The following GTF2A1L variants were observed in gnomAD, a reference collection of about 807,000 sequenced individuals.
GTF2A1L encodes TFIIA-alpha and beta-like factor.
Under a neutral mutation model 49.7 loss-of-function variants are expected in GTF2A1L, and 48 were observed. That is an observed-to-expected ratio of 0.97 (90% confidence interval 0.77 to 1.23). The LOEUF (loss-of-function observed/expected upper bound fraction) is 1.23, where lower values mean the gene tolerates loss of function less well. Ranked by LOEUF, GTF2A1L falls within the 50% of genes most tolerant of loss-of-function variation. GTF2A1L has a pLI of 0.00. For missense variants in GTF2A1L, 736 were observed against 564.8 expected, an observed-to-expected ratio of 1.30 and a Z score of -3.07; for synonymous variants, 246 against 193.5, an observed-to-expected ratio of 1.27 and a Z score of -2.25.
intron 6 of GTF2A1L, among the ~76,000 whole-genome samples, chr2:48,655,193 T>C (rs990406414): frequency 1.3e-5 from 2 of 151,944 alleles, no homozygotes; most frequent in African/African-American, 4.8e-5. Flanking sequence ...TTTTAGCATA[T>C]ACATATTATA....
rs775244199 is a variant in GTF2A1L, at chr2:48,669,850, G to T, written c.1107G>T (p.Glu369Asp). The change falls in exon 7 of 9, where the codon GAG becomes GAT. Residue 369 changes from glutamate (E) to aspartate (D), a missense_variant. Physicochemically the swap from Glu to Asp is conservative, Grantham distance 45. Coordinates refer to ENST00000403751, the MANE Select transcript of GTF2A1L (RefSeq NM_006872.5). ...TAGGAAGTACAAGAGATGCAGATGA[G>T]AATGAATTTCTAGGGAATATTGACG... ...EEIGSTRDAD[E>D]NEFLGNIDGG... 1.5e-4 allele frequency: 246 copies of T among 1,613,910 alleles called. No homozygotes were observed. Among genetic ancestry groups the T allele is most frequent in the Non-Finnish European group, 2.0e-4 (236 of 1,180,004 alleles).
At chr2:48,652,888 G>A (rs1677938026) in intron 6 of GTF2A1L, among the ~76,000 whole-genome samples, 2 of 150,936 alleles carry the variant, frequency 1.3e-5, no homozygotes, top group African/African-American at 4.9e-5. Flanking sequence ...AGACACGGGG[G>A]TTTCACCGTG....
chr2:48,661,258 T>G (rs1330367798), intron 6 of GTF2A1L, among the ~76,000 whole-genome samples: 4 of 112,978 alleles, frequency 3.5e-5, no homozygotes, highest in Non-Finnish European at 8.1e-5. Context: ...TTTTTTTTTT[T>G]TTTTTTTTTT....
At chr2:48,637,031 T>G (rs1676932819) in intron 3 of GTF2A1L, among the ~76,000 whole-genome samples, 1 of 152,180 alleles carries the variant, frequency 6.6e-6, no homozygotes, top group South Asian at 2.1e-4. Flanking sequence ...AGGTGTAAAC[T>G]GTATGTCCGA....
intron 6 of GTF2A1L, 157 bp downstream of exon 6, chr2:48,647,199 T>A (rs1375992405): frequency 1.5e-5 from 10 of 676,154 alleles, no homozygotes; most frequent in Admixed American, 7.4e-5. Context: ...TTTAAAAAAA[T>A]TTTTAATTGT....
chr2:48,632,119 GT>G (rs1230777054), intron 3 of GTF2A1L, among the ~76,000 whole-genome samples: 2 of 152,148 alleles, frequency 1.3e-5, no homozygotes, highest in African/African-American at 4.8e-5. Context: ...TACTTCAGAT[GT>G]TGGTACTGCT....
At position 48,625,200 on chromosome 2, in the gene GTF2A1L, C is replaced by G. The variant is rs751917894; in HGVS notation, c.247+3910C>G. On this transcript the variant is annotated intron_variant, in intron 3 of 8. Transcript: ENST00000403751. ...CAACAGAGTACAGGGGTTTCCTTTC[C>G]TCTGTACTCTCACCAACACTTGTCG... Among the ~76,000 whole-genome samples the G allele has an allele frequency of 2.3e-4, 33 of 143,732 alleles. 7 individuals are homozygous for G. Among genetic ancestry groups the G allele is most frequent in the African/African-American group, 7.4e-5 (3 of 40,454 alleles). 94.3% of individuals were successfully genotyped at this position (143,732 alleles called of 152,430 possible). A position where few individuals can be genotyped will look rare whatever the true frequency, so the allele number is the denominator to read the frequency against.
chr2:48,661,186 C>T (rs975956630), intron 6 of GTF2A1L, among the ~76,000 whole-genome samples: 1 of 145,294 alleles, frequency 6.9e-6, no homozygotes, highest in African/African-American at 2.6e-5. Context: ...TTTGAGATTG[C>T]TCTTTTAAAA....
chr2:48,646,518 C>T lies in GTF2A1L; in HGVS notation c.454C>T (p.Gln152Ter). The change falls in exon 6 of 9, where the codon CAG (glutamine) becomes TAG (stop). Residue 152 changes from glutamine (Q) to a stop codon, truncating the protein, a stop_gained. Transcript: ENST00000403751. LOFTEE classifies it high-confidence loss of function. Reference protein sequence around the residue: ...TETSGRAGILQHPIQQVFQQL... With the variant: ...TETSGRAGIL The stretch of plus-strand genomic sequence containing the variant: ...GACTTCTGGAAGAGCAGGTATTCTT[C>T]AGCATCCAATTCAGCAAGTATTTCA... 6.2e-7 allele frequency: 1 copy of T among 1,613,990 alleles called. No homozygotes were observed. The highest frequency in any genetic ancestry group is 8.5e-7 in the Non-Finnish European group (1 of 1,179,988).
intron 8 of GTF2A1L, among the ~76,000 whole-genome samples, chr2:48,673,154 A>C (rs1230115527): frequency 6.6e-6 from 1 of 152,186 alleles, no homozygotes; most frequent in East Asian, 1.9e-4. Flanking sequence ...GCTGAATAAT[A>C]GTCTATTGAA....
At chr2:48,667,616 C>G (rs1291358236) in intron 6 of GTF2A1L, among the ~76,000 whole-genome samples, 1 of 152,134 alleles carries the variant, frequency 6.6e-6, no homozygotes, top group Non-Finnish European at 1.5e-5. Flanking sequence ...TTTTTGCATA[C>G]ATGTGATATT....
At chr2:48,678,079 T>C (rs1012267506) in intron 8 of GTF2A1L, among the ~76,000 whole-genome samples, 7 of 151,890 alleles carry the variant, frequency 4.6e-5, no homozygotes, top group African/African-American at 1.4e-4. Flanking sequence ...TATTAAATAC[T>C]TTTTCAACAC....
chr2:48,642,435 C>CGAA lies in GTF2A1L; in HGVS notation c.281_282insGAA (p.Pro94_Ser95insLys). 3.8e-6 allele frequency: 6 copies of CGAA among 1,592,312 alleles called. No homozygotes were observed. Among genetic ancestry groups the CGAA allele is most frequent in the Non-Finnish European group, 5.1e-6 (6 of 1,165,782 alleles). On this transcript the variant is annotated inframe_insertion, in exon 4 of 9. Transcript: ENST00000403751. ...GTTATTCCTGCTGGTAGAACTCTTC[C>CGAA]AAGTTTTACCACAGCAGAACTGGTA...
chr2:48,623,069 T>C (rs1031656134), intron 3 of GTF2A1L, among the ~76,000 whole-genome samples: 5 of 152,186 alleles, frequency 3.3e-5, no homozygotes, highest in African/African-American at 1.2e-4. Context: ...ACATCATTTA[T>C]AATGAAGAGG....
chr2:48,669,511 T>A (rs1679050241), intron 6 of GTF2A1L, among the ~76,000 whole-genome samples: 1 of 152,192 alleles, frequency 6.6e-6, no homozygotes, highest in African/African-American at 2.4e-5. Flanking sequence ...TGATTGTAAG[T>A]GGGTTACTTT....
Position 48,647,640 on chromosome 2 carries a change from C to CTATATTGAG in GTF2A1L, c.978+600_978+601insTATTGAGTA, listed in dbSNP as rs201903601. On this transcript the variant is annotated intron_variant, in intron 6 of 8. Coordinates refer to ENST00000403751, the MANE Select transcript of GTF2A1L (RefSeq NM_006872.5). The stretch of plus-strand genomic sequence containing the variant: ...TGAATTCCTATATGGAAACTTTTCC[C>CTATATTGAG]TACATGAGGGATTATGTTGCTAGTA... Among the ~76,000 whole-genome samples the CTATATTGAG allele has an allele frequency of 7.4e-3, 1,120 of 152,002 alleles. 12 individuals carry two copies. The highest frequency in any genetic ancestry group is 0.026 in the African/African-American group (1,070 of 41,522).
At chr2:48,661,247 CTTTT>C (rs70946820) in intron 6 of GTF2A1L, among the ~76,000 whole-genome samples, 1 of 62,750 alleles carries the variant, frequency 1.6e-5, no homozygotes, top group African/African-American at 7.7e-5. Context: ...CATCCCCAAA[CTTTT>C]TTTTTTTTTT....
At chr2:48,674,134 G>A (rs1461002148) in intron 8 of GTF2A1L, among the ~76,000 whole-genome samples, 4 of 152,320 alleles carry the variant, frequency 2.6e-5, no homozygotes, top group Admixed American at 2.6e-4. Context: ...ATACTCAGGA[G>A]TTGAATTCCT....
intron 3 of GTF2A1L, among the ~76,000 whole-genome samples, chr2:48,640,999 A>C (rs1047328143): frequency 6.6e-6 from 1 of 151,814 alleles, no homozygotes; most frequent in Admixed American, 6.6e-5. Context: ...AACTTTAAAA[A>C]CTCTCTTATT....
Sources: gnomAD v4.1 joint callset for allele counts (sites outside exome capture counted in the v4.1 genomes callset) on GRCh38, gnomAD v4.1.1 for gene constraint, MANE v1.5 for transcripts, NCBI Gene and HGNC (gene_info 2026-07-23, HGNC 2026-07-21) for gene names.